Variants in THSD4 observed in about 807,000 individuals in gnomAD.
The protein encoded by THSD4 is thrombospondin type-1 domain-containing protein 4.
In THSD4, 69 loss-of-function variants were observed where a neutral mutation model predicts 119.0. That is an observed-to-expected ratio of 0.58 (90% confidence interval 0.48 to 0.71). The LOEUF (loss-of-function observed/expected upper bound fraction) is 0.71, where lower values mean the gene tolerates loss of function less well. Ranked by LOEUF, THSD4 falls within the 30% of genes least tolerant of loss-of-function variation. THSD4 has a pLI of 0.00. For synonymous variants in THSD4, 524 were observed against 540.4 expected, an observed-to-expected ratio of 0.97 and a Z score of 0.42; for missense variants, 1,393 against 1,391.1, an observed-to-expected ratio of 1.00 and a Z score of -0.02.
intron 9 of THSD4, chr15:71,730,677 T>G (rs916619971): frequency 7.7e-5 from 12 of 156,210 alleles, no homozygotes; most frequent in African/African-American, 2.4e-4. Context: ...TGAGGGAACC[T>G]AAAGCATCCC....
At chr15:71,234,880 C>T (rs565653881) in intron 4 of THSD4, among the ~76,000 whole-genome samples, 1 of 152,318 alleles carries the variant, frequency 6.6e-6, no homozygotes, top group East Asian at 1.9e-4. Context: ...GTTCGCCGTC[C>T]TGCTGTGGTT....
At chr15:71,431,026 A>G (rs988525521) in intron 7 of THSD4, among the ~76,000 whole-genome samples, 1 of 152,226 alleles carries the variant, frequency 6.6e-6, no homozygotes, top group Non-Finnish European at 1.5e-5. Context: ...TAACTACATT[A>G]CCATAAAATA....
At chr15:71,708,291 A>G (rs1024840206) in intron 8 of THSD4, among the ~76,000 whole-genome samples, 1 of 152,192 alleles carries the variant, frequency 6.6e-6, no homozygotes, top group African/African-American at 2.4e-5. Flanking sequence ...CACCACTTCT[A>G]GACAGTTTTA....
intron 1 of THSD4, among the ~76,000 whole-genome samples, chr15:71,125,921 GTGC>G (rs1490017081): frequency 2.6e-5 from 4 of 152,256 alleles, no homozygotes; most frequent in Non-Finnish European, 5.9e-5. Context: ...ACAGCCACAT[GTGC>G]TTTCTGGCCT....
chr15:71,716,268 G>T (rs1488571787), intron 8 of THSD4, among the ~76,000 whole-genome samples: 5 of 152,084 alleles, frequency 3.3e-5, no homozygotes, highest in East Asian at 3.8e-4. Flanking sequence ...TGGATTTAGG[G>T]CCCACCCTAA....
chr15:71,683,861 G>C, intron 8 of THSD4, among the ~76,000 whole-genome samples: 1 of 152,140 alleles, frequency 6.6e-6, no homozygotes, highest in East Asian at 1.9e-4. Flanking sequence ...CATAGTCCCA[G>C]CTACTCAGGA....
intron 8 of THSD4, among the ~76,000 whole-genome samples, chr15:71,717,912 G>T (rs1029527779): frequency 2.2e-4 from 34 of 152,190 alleles, no homozygotes; most frequent in African/African-American, 8.0e-4. Flanking sequence ...ATTTTGAGAG[G>T]CCAAGGTGGG....
At position 71,383,897 on chromosome 15, in the gene THSD4, A is replaced by G. The variant is rs556863362; in HGVS notation, c.1016-27790A>G. Among the ~76,000 whole-genome samples, 138 of 152,338 alleles carry G rather than the reference A, an allele frequency of 9.1e-4. 4 individuals are homozygous for G. In the South Asian group the frequency reaches 0.027, roughly 29 times the overall value. ...TAGTTTATATAATACGCCGTTTTACATAGGAGACTTGATCATCTGCAGATT... is the reference window on the plus strand; with the variant it reads ...TAGTTTATATAATACGCCGTTTTACGTAGGAGACTTGATCATCTGCAGATT... On this transcript the variant is annotated intron_variant, in intron 6 of 17. Transcript: ENST00000261862.
chr15:71,298,429 C>T (rs2044895495), intron 6 of THSD4, among the ~76,000 whole-genome samples: 1 of 152,038 alleles, frequency 6.6e-6, no homozygotes, highest in African/African-American at 2.4e-5. Flanking sequence ...CCAGCCATCC[C>T]ACTGTTATTT....
chr15:71,525,300 G>A (rs2048502915), intron 7 of THSD4, among the ~76,000 whole-genome samples: 1 of 152,096 alleles, frequency 6.6e-6, no homozygotes, highest in Non-Finnish European at 1.5e-5. Context: ...CAGCTAATAT[G>A]TGCTACAACC....
chr15:71,539,570 G>C (rs1014172594), intron 7 of THSD4, among the ~76,000 whole-genome samples: 2 of 152,112 alleles, frequency 1.3e-5, no homozygotes, highest in African/African-American at 4.8e-5. Flanking sequence ...GGCATCATAT[G>C]TTCATTTTCC....
intron 7 of THSD4, among the ~76,000 whole-genome samples, chr15:71,476,787 T>A (rs1247143702): frequency 6.6e-6 from 1 of 152,202 alleles, no homozygotes. Flanking sequence ...AGCCCAGGTC[T>A]CTCTCCCCAT....
chr15:71,286,027 G>A (rs2044713499), intron 6 of THSD4, among the ~76,000 whole-genome samples: 1 of 151,758 alleles, frequency 6.6e-6, no homozygotes. Context: ...TATATCCACA[G>A]TGATAAACAC....
At chr15:71,248,539 C>A (rs2044227111) in intron 5 of THSD4, among the ~76,000 whole-genome samples, 1 of 152,108 alleles carries the variant, frequency 6.6e-6, no homozygotes, top group African/African-American at 2.4e-5. Context: ...TGAGTTTAGA[C>A]AGAGTGCACT....
intron 3 of THSD4, among the ~76,000 whole-genome samples, chr15:71,211,628 G>C (rs1357592775): frequency 6.6e-6 from 1 of 152,162 alleles, no homozygotes; most frequent in Non-Finnish European, 1.5e-5. Context: ...TATATGAATG[G>C]TGGGGAGGGA....
At chr15:71,353,068 T>A (rs2045764311) in intron 6 of THSD4, among the ~76,000 whole-genome samples, 1 of 152,186 alleles carries the variant, frequency 6.6e-6, no homozygotes, top group Non-Finnish European at 1.5e-5. Flanking sequence ...CAACACTATC[T>A]CATGTACCAG....
In THSD4 at chr15:71,741,212, C is replaced by T. The variant is rs899749668; in HGVS notation, c.1906+3205C>T. 2.6e-5 allele frequency among the ~76,000 whole-genome samples: 4 copies of T among 152,140 alleles called. No homozygotes were observed. In the South Asian group the frequency reaches 6.2e-4, roughly 24 times the overall value. ...ACCTGTTAGAAATTGAATAAGCGGC[C>T]GGGCATGGTGGCTCATACCTGTAAT... On this transcript the variant is annotated intron_variant, in intron 11 of 17. Coordinates refer to ENST00000261862, the MANE Select transcript of THSD4 (RefSeq NM_024817.3).
In THSD4 at chr15:71,572,626, C is replaced by T. The variant is rs189634754; in HGVS notation, c.1153-87904C>T. Among the ~76,000 whole-genome samples, 129 of 152,202 alleles carry T rather than the reference C, an allele frequency of 8.5e-4. No homozygotes were observed. In the East Asian group the frequency reaches 0.015, roughly 18 times the overall value. On this transcript the variant is annotated intron_variant, in intron 7 of 17. Coordinates refer to ENST00000261862, the MANE Select transcript of THSD4 (RefSeq NM_024817.3). ...TGATACTTAATATTAGGAGCCACCC[C>T]CTTGAAGACAGCGGAGTCCAAAAGG... is the stretch of plus-strand genomic sequence containing the variant.
intron 3 of THSD4, chr15:71,187,256 C>T (rs924995726): frequency 1.2e-4 from 19 of 152,658 alleles, no homozygotes; most frequent in African/African-American, 4.6e-4. Flanking sequence ...CCGTTAAAGA[C>T]TTTCTGGAAA....
Sources: allele counts gnomAD v4.1 joint callset (sites outside exome capture counted in the v4.1 genomes callset), GRCh38; gene constraint gnomAD v4.1.1; transcripts MANE v1.5; gene names NCBI Gene and HGNC (gene_info 2026-07-23, HGNC 2026-07-21).